RNF213: variants seen among roughly 807,000 people sequenced by gnomAD.
RNF213 encodes the protein E3 ubiquitin-protein ligase RNF213.
RNF213 carries 341 observed loss-of-function variants against 514.4 expected under a neutral mutation model. The observed-to-expected ratio is 0.66, with a 90% CI of 0.61 to 0.73. RNF213 has a LOEUF of 0.73. Ranked by LOEUF, RNF213 falls within the 30% of genes least tolerant of loss-of-function variation. The pLI, the probability that RNF213 is intolerant of heterozygous loss-of-function variation, is 0.00. For synonymous variants in RNF213, 2,655 were observed against 2,658.2 expected (o/e 1.00, Z 0.04); for missense variants, 5,767 against 6,615.6 (o/e 0.87, Z 4.45).
intron 48 of RNF213, 76 bp from the exon 49 acceptor site, chr17:80,372,899 C>T (rs985923279): frequency 1.3e-6 from 2 of 1,494,648 alleles, no homozygotes; most frequent in Middle Eastern, 1.7e-4. Flanking sequence ...GTCCGATGCC[C>T]TCTGGTTGGC....
At position 80,327,839 on chromosome 17, in the gene RNF213, A is replaced by G. The variant is rs775964107; in HGVS notation, c.3217A>G (p.Asn1073Asp). Residue 1073 changes from asparagine (N) to aspartate (D), a missense_variant, in exon 19 of 68, where the codon AAT becomes GAT. By Grantham distance (23) the Asn-to-Asp change is conservative. Coordinates refer to ENST00000582970, the MANE Select transcript of RNF213 (RefSeq NM_001256071.3). The stretch of plus-strand genomic sequence containing the variant: ...AGGAACCGACGAGAAAATACTAGCA[A>G]ATGTCACAGAGGATGCCAAGAGGCT... ...LCGTDEKILA[N>D]VTEDAKRLIA... 2 of 1,536,478 alleles carry G rather than the reference A, an allele frequency of 1.3e-6. No individual in the cohort carries two copies. The highest frequency in any genetic ancestry group is 1.7e-6 in the Non-Finnish European group (2 of 1,146,352).
chr17:80,359,994 GATCTT>G (rs771507242), intron 37 of RNF213, 62 bp from the exon 38 acceptor site: 48 of 1,554,824 alleles, frequency 3.1e-5, no homozygotes, highest in South Asian at 9.0e-5. Flanking sequence ...ATCAGTGGCA[GATCTT>G]ATCTTGTGTT....
In RNF213 at chr17:80,395,178, G is replaced by GCCTT. The variant is rs2080627299; in HGVS notation, c.*1681_*1684dup. The stretch of plus-strand genomic sequence containing the variant: ...TTCATTTTGTGTGCTGTGCTTCAAA[G>GCCTT]CCTTAACTGTCAAATCTTGCATTAT... On this transcript the variant is annotated 3_prime_UTR_variant, in exon 68 of 68. Transcript: ENST00000582970. The GCCTT allele has an allele frequency of 6.6e-6, 1 of 151,272 alleles. No homozygotes were observed. The highest frequency in any genetic ancestry group is 1.5e-5 in the Non-Finnish European group (1 of 67,962). The allele number at this position is 151,272 out of a possible 1,614,324, so 9.4% of individuals were successfully genotyped here.
At chr17:80,380,778 G>A (rs548388664) in intron 55 of RNF213, 53 bp from the exon 56 acceptor site, 45 of 1,609,800 alleles carry the variant, frequency 2.8e-5, no homozygotes, top group Non-Finnish European at 3.3e-5. Flanking sequence ...AAAGTGCAGC[G>A]TGCCAAAGCG....
At position 80,317,219 on chromosome 17, in the gene RNF213, C is replaced by T. The variant is rs1215728747; in HGVS notation, c.2843C>T (p.Pro948Leu). 2 of 1,612,804 alleles carry T rather than the reference C, an allele frequency of 1.2e-6. No homozygotes were observed. Among genetic ancestry groups the T allele is most frequent in the African/African-American group, 1.3e-5 (1 of 75,050 alleles). ...AGGCGGCTGGTGGAAATCCAATTCC[C>T]CGCGGAGCATGGCTGGAAGGAGTCG... ...VWRRLVEIQF[P>L]AEHGWKESLL... The change falls in exon 16 of 68, where the codon CCC (proline) becomes CTC (leucine). Residue 948 changes from proline to leucine, a missense_variant. Coordinates refer to ENST00000582970, the MANE Select transcript of RNF213 (RefSeq NM_001256071.3). This position sits in a 1 kb window ranked among gnomAD's most constrained non-coding sequence, Gnocchi z 4.1.
intron 17 of RNF213, among the ~76,000 whole-genome samples, chr17:80,323,949 A>T (rs7209174): frequency 0.42 from 64,318 of 151,798 alleles, 14,470 homozygotes; most frequent in Non-Finnish European, 0.5. Flanking sequence ...AACATTGCTG[A>T]GCTCATTTGG....
Position 80,346,938 on chromosome 17 carries a change from G to A in RNF213, c.8603G>A (p.Cys2868Tyr). The A allele has an allele frequency of 1.2e-6, 2 of 1,614,042 alleles. No homozygotes were observed. The highest frequency in any genetic ancestry group is 4.5e-5 in the East Asian group (2 of 44,882). The stretch of plus-strand genomic sequence containing the variant: ...CTGCACCCGCTGCTGGAAGACGGAT[G>A]CATTGAAGACGATCCCGCCCCCCAC... ...KTLHPLLEDG[C>Y]IEDDPAPHKK... The change falls in exon 29 of 68, where the codon TGC becomes TAC. Residue 2868 changes from cysteine to tyrosine, a missense_variant. Cys to Tyr is a radical substitution (Grantham distance 194, BLOSUM62 -2). Coordinates refer to ENST00000582970, the MANE Select transcript of RNF213 (RefSeq NM_001256071.3). The surrounding 1 kb of genome is among the most constrained non-coding windows in gnomAD (Gnocchi z 8.1).
chr17:80,289,797 C>CA lies in RNF213; in HGVS notation c.1079dup (p.Asn360LysfsTer37). On this transcript the variant is annotated frameshift_variant, in exon 6 of 68. Coordinates refer to ENST00000582970, the MANE Select transcript of RNF213 (RefSeq NM_001256071.3). LOFTEE classifies it high-confidence loss of function. ...AGCTGCTGTGAAAAACGAGAAGGAG[C>CA]AAAAAAACCAGGAAGCAGATGTCCA... 4 of 1,612,682 alleles carry CA rather than the reference C, an allele frequency of 2.5e-6. No homozygotes were observed. Among genetic ancestry groups the CA allele is most frequent in the Admixed American group, 1.7e-5 (1 of 59,782 alleles).
chr17:80,315,740 TGGTGGTGGTG>T (rs2045901164), intron 15 of RNF213: 2 of 43,994 alleles, frequency 4.5e-5, no homozygotes, highest in African/African-American at 1.0e-4. Flanking sequence ...GAGGTGATGG[TGGTGGTGGTG>T]GAGGTGACAG....
At chr17:80,350,091 C>T (rs924208620) in intron 30 of RNF213, among the ~76,000 whole-genome samples, 185 bp downstream of exon 30, 1 of 152,192 alleles carries the variant, frequency 6.6e-6, no homozygotes, top group Non-Finnish European at 1.5e-5. Context: ...GGTGTCTGGC[C>T]TAACATCCTC....
chr17:80,304,656 A>AAAT (rs149879581), intron 11 of RNF213, among the ~76,000 whole-genome samples: 4 of 146,102 alleles, frequency 2.7e-5, no homozygotes, highest in African/African-American at 5.5e-5. Flanking sequence ...ATAAATAAAT[A>AAAT]AATAATAATA....
intron 57 of RNF213, 194 bp downstream of exon 57, chr17:80,381,921 A>G (rs568160763): frequency 9.6e-6 from 6 of 626,884 alleles, no homozygotes; most frequent in South Asian, 9.3e-5. Flanking sequence ...AAAAGGAAGC[A>G]CTCTGCTTGC....
intron 14 of RNF213, among the ~76,000 whole-genome samples, chr17:80,311,428 G>A (rs1385209099): frequency 6.6e-6 from 1 of 152,168 alleles, no homozygotes; most frequent in Non-Finnish European, 1.5e-5. Context: ...GATTGTTCTA[G>A]AAGGAGCTGT....
chr17:80,305,672 C>T (rs2045332986), intron 11 of RNF213, among the ~76,000 whole-genome samples: 2 of 150,666 alleles, frequency 1.3e-5, no homozygotes, highest in Admixed American at 1.3e-4. Context: ...AGTGCAGTGG[C>T]GTGATCTCGG....
intron 55 of RNF213, 42 bp from the exon 56 acceptor site, chr17:80,380,789 G>C (rs185513076): frequency 3.1e-4 from 494 of 1,613,586 alleles, no homozygotes; most frequent in African/African-American, 1.6e-3. Flanking sequence ...TGCCAAAGCG[G>C]CCAGCCTCAG....
rs2044913022 is a variant in RNF213, at chr17:80,295,655, T to C, written c.1854T>C (p.Ser618=). ...TGCCTGTGGACTGCCCAGTGAGGAG[T>C]AAACTGAAAACAGGCCTGATTGTCC... ...DFLPVDCPVR[S]KLKTGLIVLF... is the part of the protein sequence containing the mutation. Residue 618 remains serine (S), a synonymous_variant, in exon 10 of 68, where the codon AGT becomes AGC. Transcript: ENST00000582970. The C allele has an allele frequency of 6.2e-7, 1 of 1,613,900 alleles. No individual in the cohort carries two copies. Among genetic ancestry groups the C allele is most frequent in the Middle Eastern group, 1.6e-4 (1 of 6,062 alleles).
chr17:80,380,442 G>GC (rs2079945568), intron 55 of RNF213, among the ~76,000 whole-genome samples: 1 of 152,102 alleles, frequency 6.6e-6, no homozygotes. Context: ...TTTTTCCTTT[G>GC]GGGAGATGAG....
In RNF213 at chr17:80,319,205, C is replaced by G; in HGVS notation, c.2917C>G (p.Gln973Glu). Residue 973 changes from glutamine to glutamate, a missense_variant, in exon 17 of 68, where the codon CAG (glutamine) becomes GAG (glutamate). Physicochemically the swap from Gln to Glu is conservative, Grantham distance 29. Coordinates refer to ENST00000582970, the MANE Select transcript of RNF213 (RefSeq NM_001256071.3). ...ATTTTTGCAGGAGGAACCCCTCTCC[C>G]AGATCACTGCCTACTGCAATAGTTG... is the stretch of plus-strand genomic sequence containing the variant. ...WRLTKEEPLS[Q>E]ITAYCNSCWD... 1 of 1,614,220 alleles carries G rather than the reference C, an allele frequency of 6.2e-7. No individual in the cohort carries two copies. The highest frequency in any genetic ancestry group is 8.5e-7 in the Non-Finnish European group (1 of 1,180,046).
intron 55 of RNF213, 52 bp from the exon 56 acceptor site, chr17:80,380,779 T>G: frequency 6.2e-7 from 1 of 1,611,446 alleles, no homozygotes; most frequent in Non-Finnish European, 8.5e-7. Flanking sequence ...AAGTGCAGCG[T>G]GCCAAAGCGG....
Sources: gnomAD v4.1 joint callset for allele counts (sites outside exome capture counted in the v4.1 genomes callset) on GRCh38, gnomAD v4.1.1 for gene constraint, Gnocchi (gnomAD v3.1) non-coding constraint, MANE v1.5 for transcripts, NCBI Gene and HGNC (gene_info 2026-07-23, HGNC 2026-07-21) for gene names.